The following STK3 variants were observed in gnomAD, a reference collection of about 807,000 sequenced individuals.
STK3 encodes serine/threonine-protein kinase 3.
Under a neutral mutation model 58.0 loss-of-function variants are expected in STK3, and 41 were observed. That is an observed-to-expected ratio of 0.71 (90% CI 0.55 to 0.92). The LOEUF (loss-of-function observed/expected upper bound fraction) is 0.92, where lower values mean the gene tolerates loss of function less well. Among genes scored for constraint, STK3 ranks in the 40% least tolerant of loss-of-function variants. STK3 has a pLI of 0.00. For missense variants in STK3, 479 were observed against 602.7 expected (o/e 0.79, Z 2.15); for synonymous variants, 170 against 191.0 (o/e 0.89, Z 0.91).
chr8:98,923,471 C>A (rs72668449), intron 1 of STK3, among the ~76,000 whole-genome samples: 9,774 of 152,118 alleles, frequency 0.064, 420 homozygotes, highest in South Asian at 0.1. Flanking sequence ...GCAACCAAAT[C>A]CAGAAATAAC....
At chr8:98,877,953 A>G (rs1277701700) in intron 3 of STK3, among the ~76,000 whole-genome samples, 1 of 152,212 alleles carries the variant, frequency 6.6e-6, no homozygotes, top group Non-Finnish European at 1.5e-5. Flanking sequence ...TTTACAAACA[A>G]AGAAACCGGC....
chr8:98,757,342 G>A (rs1350032158), intron 3 of STK3, among the ~76,000 whole-genome samples: 2 of 148,060 alleles, frequency 1.4e-5, no homozygotes, highest in African/African-American at 2.5e-5. Context: ...CACCATGCCC[G>A]GCTAATTTTT....
At chr8:98,728,133 G>A (rs917137079) in intron 4 of STK3, among the ~76,000 whole-genome samples, 8 of 152,140 alleles carry the variant, frequency 5.3e-5, no homozygotes, top group African/African-American at 1.7e-4. Flanking sequence ...AGGTATCCTG[G>A]ATGAGGAAAA....
At chr8:98,840,286 G>A (rs1835917058) in intron 3 of STK3, among the ~76,000 whole-genome samples, 1 of 148,942 alleles carries the variant, frequency 6.7e-6, no homozygotes, top group South Asian at 2.1e-4. Context: ...GGTGGAGTTT[G>A]CAGTGAGCCA....
intron 1 of STK3, among the ~76,000 whole-genome samples, chr8:98,900,034 G>A (rs1474568805): frequency 6.6e-6 from 1 of 152,002 alleles, no homozygotes; most frequent in Non-Finnish European, 1.5e-5. Context: ...GTCACAAAAG[G>A]GCCTGCTGGC....
In STK3 at chr8:98,800,729, CG is replaced by C. The variant is rs1231354782; in HGVS notation, c.26+24785del. On this transcript the variant is annotated intron_variant, in intron 1 of 10. Coordinates refer to ENST00000419617, the MANE Select transcript of STK3 (RefSeq NM_006281.4). The surrounding 1 kb of genome is among the most constrained non-coding windows in gnomAD (Gnocchi z 4.8). ...CCTGGGCAGTGAAGGGCTTAGCACC[CG>C]GGCCAGCAGCTGCGGAAGGGGCACC... is the stretch of plus-strand genomic sequence containing the variant. 6.6e-6 allele frequency among the ~76,000 whole-genome samples: 1 copy of C among 152,196 alleles called. No individual in the cohort carries two copies. The highest frequency in any genetic ancestry group is 1.5e-5 in the Non-Finnish European group (1 of 68,022).
chr8:98,858,339 G>GAC (rs1836777327), intron 3 of STK3, among the ~76,000 whole-genome samples: 1 of 130,884 alleles, frequency 7.6e-6, no homozygotes, highest in Non-Finnish European at 1.6e-5. Flanking sequence ...GAGAGAGAGA[G>GAC]AGAGAGAGAG....
intron 8 of STK3, among the ~76,000 whole-genome samples, chr8:98,569,023 G>A (rs560016927): frequency 6.6e-6 from 1 of 152,152 alleles, no homozygotes; most frequent in East Asian, 1.9e-4. Flanking sequence ...AAATAACAGG[G>A]ACAATGCAAA....
At chr8:98,653,602 G>A (rs950184318) in intron 6 of STK3, among the ~76,000 whole-genome samples, 2 of 151,940 alleles carry the variant, frequency 1.3e-5, no homozygotes, top group African/African-American at 4.8e-5. Context: ...TAATAAAGAA[G>A]AAAAGAGAGA....
At chr8:98,694,822 T>C (rs1824729891) in intron 6 of STK3, among the ~76,000 whole-genome samples, 1 of 152,238 alleles carries the variant, frequency 6.6e-6, no homozygotes, top group African/African-American at 2.4e-5. Context: ...CGTGTGCATG[T>C]GTCTTTATAG....
chr8:98,930,707 T>C (rs929782739), intron 1 of STK3, among the ~76,000 whole-genome samples: 1 of 152,252 alleles, frequency 6.6e-6, no homozygotes, highest in Non-Finnish European at 1.5e-5. Context: ...GAACTGAGTC[T>C]GGCAGCCGGT....
chr8:98,937,410 G>A (rs974469271), intron 1 of STK3, among the ~76,000 whole-genome samples: 23 of 152,294 alleles, frequency 1.5e-4, no homozygotes, highest in African/African-American at 3.8e-4. Context: ...TAATAAATGG[G>A]CTGGCTTAAA....
intron 8 of STK3, among the ~76,000 whole-genome samples, chr8:98,572,722 T>A (rs1813061738): frequency 6.6e-6 from 1 of 152,210 alleles, no homozygotes. Flanking sequence ...GTACATATTG[T>A]ATATTTTCTA....
At chr8:98,463,812 C>T (rs1282801666) in intron 10 of STK3, among the ~76,000 whole-genome samples, 1 of 152,092 alleles carries the variant, frequency 6.6e-6, no homozygotes, top group Non-Finnish European at 1.5e-5. Flanking sequence ...TCTCAAATAG[C>T]AGAAACGGGA....
In STK3 at chr8:98,712,963, A is replaced by T. The variant is rs911848455; in HGVS notation, c.352-5652T>A. On this transcript the variant is annotated intron_variant, in intron 4 of 10. Transcript: ENST00000419617. ...CAGACTACAGTGCAATCAAACTAGA[A>T]CTCAGGATTAAGAAACTCACTCAAA... Among the ~76,000 whole-genome samples, 28 of 152,292 alleles carry T rather than the reference A, an allele frequency of 1.8e-4. 1 individual carries two copies. The South Asian group carries it at 3.3e-3, about 18-fold the overall frequency.
intron 1 of STK3, among the ~76,000 whole-genome samples, chr8:98,939,951 G>C (rs1005030099): frequency 1.3e-5 from 2 of 152,238 alleles, no homozygotes; most frequent in African/African-American, 4.8e-5. Flanking sequence ...TCCTTGTCAC[G>C]GACACTGAAG....
chr8:98,808,319 C>G lies in STK3; in HGVS notation c.26+17196G>C, dbSNP rs550496268. ...TGAAAAGTCTGCAAACACCAAAACA[C>G]ATGAAACAGCTCAGTCAGTCATAAA... On this transcript the variant is annotated intron_variant, in intron 1 of 10. Transcript: ENST00000419617. Among the ~76,000 whole-genome samples the G allele has an allele frequency of 2.0e-5, 3 of 152,318 alleles. No individual in the cohort carries two copies. In the South Asian group the frequency reaches 6.2e-4, roughly 32 times the overall value.
chr8:98,636,964 C>G (rs572213479), intron 6 of STK3, among the ~76,000 whole-genome samples: 5 of 151,788 alleles, frequency 3.3e-5, no homozygotes, highest in Non-Finnish European at 7.4e-5. Context: ...TCCTGACAAT[C>G]CTAGTAGTGC....
chr8:98,884,049 A>C (rs1365512109), intron 1 of STK3, among the ~76,000 whole-genome samples: 1 of 152,172 alleles, frequency 6.6e-6, no homozygotes, highest in African/African-American at 2.4e-5. Context: ...CAATGTGGAC[A>C]AGGAAATCTT....
Sources: allele counts gnomAD v4.1 joint callset (sites outside exome capture counted in the v4.1 genomes callset), GRCh38; gene constraint gnomAD v4.1.1; non-coding constraint Gnocchi (gnomAD v3.1); transcripts MANE v1.5; gene names NCBI Gene and HGNC (gene_info 2026-07-23, HGNC 2026-07-21).